The following ITSN1 variants were observed in gnomAD, a reference collection of about 807,000 sequenced individuals.
ITSN1 encodes the protein intersectin-1.
A neutral mutation model predicts 239.8 loss-of-function variants in ITSN1; 58 were observed. The observed-to-expected ratio is 0.24, with a 90% confidence interval of 0.20 to 0.30. The LOEUF (loss-of-function observed/expected upper bound fraction) is 0.30. Among genes scored for constraint, ITSN1 ranks in the 10% least tolerant of loss-of-function variants. ITSN1 has a pLI of 1.00. For missense variants in ITSN1, 1,558 were observed against 2,103.3 expected, an observed-to-expected ratio of 0.74 and a Z score of 5.07; for synonymous variants, 780 against 770.8, an observed-to-expected ratio of 1.01 and a Z score of -0.20.
At chr21:33,835,211 G>A (rs1434532930) in intron 28 of ITSN1, among the ~76,000 whole-genome samples, 1 of 152,136 alleles carries the variant, frequency 6.6e-6, no homozygotes, top group Non-Finnish European at 1.5e-5. Flanking sequence ...TAAAGGATGG[G>A]CAAACTTTGT....
chr21:33,751,065 A>G (rs961777071), intron 6 of ITSN1, among the ~76,000 whole-genome samples: 1 of 149,196 alleles, frequency 6.7e-6, no homozygotes, highest in Non-Finnish European at 1.5e-5. Context: ...ATTTATCAGG[A>G]TATATATTTA....
chr21:33,798,375 C>T (rs960876959), intron 18 of ITSN1, among the ~76,000 whole-genome samples: 2 of 151,544 alleles, frequency 1.3e-5, no homozygotes, highest in Non-Finnish European at 2.9e-5. Context: ...ACTGAAATTA[C>T]AAGCATGAGC....
rs34301203 is a variant in ITSN1, at chr21:33,679,698, CTTTTTTTT to C, written c.-33+37001_-33+37008del. On this transcript the variant is annotated intron_variant, in intron 1 of 39. Transcript: ENST00000381318. Reference sequence around the variant, plus strand: ...TTTTGTGTGTTTTTTGATCCTTATCCTTTTTTTTTTTTTTTTTTTTTTTGAGACGGAGT... The same window carrying C: ...TTTTGTGTGTTTTTTGATCCTTATCCTTTTTTTTTTTTTTTGAGACGGAGT... 1.3e-4 allele frequency among the ~76,000 whole-genome samples: 11 copies of C among 86,324 alleles called. No homozygotes were observed. In the South Asian group the frequency reaches 4.9e-3, roughly 39 times the overall value. 56.6% of individuals were successfully genotyped at this position (86,324 alleles called of 152,430 possible). A position where few individuals can be genotyped will look rare whatever the true frequency, so the allele number is the denominator to read the frequency against.
At chr21:33,679,212 T>A (rs143849321) in intron 1 of ITSN1, among the ~76,000 whole-genome samples, 4 of 152,374 alleles carry the variant, frequency 2.6e-5, no homozygotes, top group African/African-American at 9.6e-5. Flanking sequence ...AGGTGTGTTA[T>A]TCCCTTTGTG....
In ITSN1 at chr21:33,834,833, G is replaced by A. The variant is rs185130146; in HGVS notation, c.3469+409G>A. Among the ~76,000 whole-genome samples, 9 of 152,262 alleles carry A rather than the reference G, an allele frequency of 5.9e-5. No individual in the cohort carries two copies. In the East Asian group the frequency reaches 1.5e-3, roughly 26 times the overall value. On this transcript the variant is annotated intron_variant, in intron 28 of 39. Coordinates refer to ENST00000381318, the MANE Select transcript of ITSN1 (RefSeq NM_003024.3). ...TGGAGCTGGGGGCCACGGGGGTTGG[G>A]GGGCTATAATGTGGTGTTCACTGAA...
chr21:33,749,538 A>G (rs2067409598), intron 5 of ITSN1, among the ~76,000 whole-genome samples: 1 of 151,944 alleles, frequency 6.6e-6, no homozygotes, highest in Admixed American at 6.6e-5. Context: ...GCTATTCAGG[A>G]GACTGAGGCA....
At position 33,824,210 on chromosome 21, in the gene ITSN1, G is replaced by A. The variant is rs77688463; in HGVS notation, c.3183+557G>A. 7.3e-3 allele frequency among the ~76,000 whole-genome samples: 1,107 copies of A among 152,240 alleles called. 13 individuals are homozygous for A. Among genetic ancestry groups the A allele is most frequent in the African/African-American group, 0.025 (1,036 of 41,528 alleles). ...GGACTGAATTTAAGTGCTGTTATCC[G>A]TATGAATTGGAAGTGCTCTCACTGT... On this transcript the variant is annotated intron_variant, in intron 25 of 39. Coordinates refer to ENST00000381318, the MANE Select transcript of ITSN1 (RefSeq NM_003024.3).
At position 33,875,567 on chromosome 21, in the gene ITSN1, C is replaced by T. The variant is rs762361519; in HGVS notation, c.4341+46C>T. 1.1e-5 allele frequency: 18 copies of T among 1,576,478 alleles called. No individual in the cohort carries two copies. In the East Asian group the frequency reaches 1.3e-4, roughly 12 times the overall value. ...GCCCTGGTCTCCCCCGGCAGAGCCT[C>T]GCCTGCCAGCCTGGAGGAGGACAAA... On this transcript the variant is annotated intron_variant, in intron 34 of 39. Coordinates refer to ENST00000381318, the MANE Select transcript of ITSN1 (RefSeq NM_003024.3).
chr21:33,760,587 G>A (rs759138315), intron 8 of ITSN1, among the ~76,000 whole-genome samples: 17 of 152,134 alleles, frequency 1.1e-4, no homozygotes, highest in Non-Finnish European at 2.2e-4. Flanking sequence ...TATCTGAAAT[G>A]AGCAAACTAG....
At chr21:33,814,225 A>C in intron 22 of ITSN1, 153 bp downstream of exon 22, 1 of 357,956 alleles carries the variant, frequency 2.8e-6, no homozygotes, top group Non-Finnish European at 5.1e-6. Flanking sequence ...GGAGCCAGAA[A>C]TCTGCTGTGA....
chr21:33,874,926 C>T (rs1407461014), intron 33 of ITSN1, among the ~76,000 whole-genome samples: 4 of 152,312 alleles, frequency 2.6e-5, no homozygotes, highest in East Asian at 1.9e-4. Context: ...GGATTACAGG[C>T]GTGAGCCACT....
At chr21:33,650,074 C>G (rs1270893365) in intron 1 of ITSN1, among the ~76,000 whole-genome samples, 2 of 151,220 alleles carry the variant, frequency 1.3e-5, no homozygotes, top group East Asian at 3.9e-4. Context: ...AAGGTCATAG[C>G]AACACAGCAA....
At chr21:33,684,961 A>G (rs1262600728) in intron 1 of ITSN1, among the ~76,000 whole-genome samples, 1 of 152,194 alleles carries the variant, frequency 6.6e-6, no homozygotes, top group Non-Finnish European at 1.5e-5. Flanking sequence ...CTAACCTTTT[A>G]TTATGAAAAA....
chr21:33,858,851 A>C (rs1602618565), intron 31 of ITSN1, 59 bp downstream of exon 31: 3 of 945,488 alleles, frequency 3.2e-6, no homozygotes, highest in Non-Finnish European at 3.4e-6. Context: ...ATGCACTCGC[A>C]CCTCTGTGGG....
chr21:33,804,016 G>A lies in ITSN1; in HGVS notation c.2319+1572G>A, dbSNP rs979222927. ...ATTGACATCTAATAGCAACAGGTTT[G>A]TATTTTTTTAATTTCATGAATTTTG... On this transcript the variant is annotated intron_variant, in intron 20 of 39. Coordinates refer to ENST00000381318, the MANE Select transcript of ITSN1 (RefSeq NM_003024.3). Among the ~76,000 whole-genome samples the A allele has an allele frequency of 5.9e-5, 9 of 152,224 alleles. No homozygotes were observed. In the South Asian group the frequency reaches 6.2e-4, roughly 11 times the overall value.
chr21:33,741,232 T>A (rs2066829109), intron 5 of ITSN1, among the ~76,000 whole-genome samples: 1 of 152,216 alleles, frequency 6.6e-6, no homozygotes, highest in Non-Finnish European at 1.5e-5. Flanking sequence ...TATTTTTATT[T>A]GTTGCTTGAG....
At chr21:33,744,511 A>G (rs2067065916) in intron 5 of ITSN1, among the ~76,000 whole-genome samples, 1 of 152,172 alleles carries the variant, frequency 6.6e-6, no homozygotes, top group Non-Finnish European at 1.5e-5. Flanking sequence ...AGATACAATC[A>G]TCTACCCCAG....
rs556130720 is a variant in ITSN1, at chr21:33,710,302, C to A, written c.-32-8495C>A. On this transcript the variant is annotated intron_variant, in intron 1 of 39. Transcript: ENST00000381318. ...ACCGTGTTAGCCAGGATGGTCTCGA[C>A]CTCCTGACCTCGTGAACCGCCCGTC... Among the ~76,000 whole-genome samples the A allele has an allele frequency of 7.7e-4, 117 of 151,784 alleles. 2 individuals are homozygous for A. The South Asian group carries it at 0.024, about 31-fold the overall frequency.
chr21:33,642,895 C>T (rs574650062), intron 1 of ITSN1, among the ~76,000 whole-genome samples, 182 bp downstream of exon 1: 16 of 151,520 alleles, frequency 1.1e-4, no homozygotes, highest in Middle Eastern at 3.4e-3. Flanking sequence ...GCCCCTCTGC[C>T]TTGTCCTTCC....
Sources: allele counts gnomAD v4.1 joint callset (sites outside exome capture counted in the v4.1 genomes callset), GRCh38; gene constraint gnomAD v4.1.1; transcripts MANE v1.5; gene names NCBI Gene and HGNC (gene_info 2026-07-23, HGNC 2026-07-21).